The following WNK1 variants were observed in gnomAD, a reference collection of about 807,000 sequenced individuals.
WNK1 encodes WNK lysine deficient protein kinase 1, also known as serine/threonine-protein kinase WNK1.
A neutral mutation model predicts 222.8 loss-of-function variants in WNK1; 38 were observed. The observed-to-expected ratio is 0.17, with a 90% CI of 0.13 to 0.22. The LOEUF (loss-of-function observed/expected upper bound fraction) is 0.22. Ranked by LOEUF, WNK1 falls within the 10% of genes least tolerant of loss-of-function variation. The pLI is 1.00. For missense variants in WNK1, 2,348 were observed against 2,918.4 expected (o/e 0.80, Z 4.50); for synonymous variants, 1,090 against 1,092.9 (o/e 1.00, Z 0.05).
Position 909,007 on chromosome 12 carries a change from C to CT in WNK1, c.*221dup, listed in dbSNP as rs1955923412. 4 of 611,428 alleles carry CT rather than the reference C, an allele frequency of 6.5e-6. No homozygotes were observed. Among genetic ancestry groups the CT allele is most frequent in the Middle Eastern group, 4.5e-4 (1 of 2,240 alleles). 37.9% of individuals were successfully genotyped at this position (611,428 alleles called of 1,614,324 possible). A position where few individuals can be genotyped will look rare whatever the true frequency, so the allele number is the denominator to read the frequency against. On this transcript the variant is annotated 3_prime_UTR_variant, in exon 28 of 28. Coordinates refer to ENST00000315939, the MANE Select transcript of WNK1 (RefSeq NM_018979.4). ...GAATGGGAGAGGAAGGAAAGAACAG[C>CT]TTTTTTGTCAAGGGGCAGCTTCAGA...
intron 1 of WNK1, among the ~76,000 whole-genome samples, chr12:769,519 A>G (rs116892830): frequency 6.6e-6 from 1 of 152,220 alleles, no homozygotes; most frequent in East Asian, 1.9e-4. Context: ...CATCCTTGTT[A>G]TTAACATGTC....
At chr12:788,321 T>TA (rs1006859748) in intron 1 of WNK1, among the ~76,000 whole-genome samples, 15 of 151,062 alleles carry the variant, frequency 9.9e-5, no homozygotes, top group Admixed American at 4.0e-4. Flanking sequence ...TTCTTGAAAT[T>TA]AAAAAAAAAG....
At position 886,201 on chromosome 12, in the gene WNK1, T is replaced by G. The variant is rs542514729; in HGVS notation, c.5280+117T>G. The G allele has an allele frequency of 4.8e-5, 43 of 904,066 alleles. No homozygotes were observed. The South Asian group carries it at 8.7e-4, about 18-fold the overall frequency. The allele number at this position is 904,066 out of a possible 1,614,324, so 56.0% of individuals were successfully genotyped here. A position where few individuals can be genotyped will look rare whatever the true frequency, so the allele number is the denominator to read the frequency against. Reference sequence around the variant, plus strand: ...AAACATATTTATAAAGGTACCTGGCTTATAGTATTTATTAAATTGACAGCA... The same window carrying G: ...AAACATATTTATAAAGGTACCTGGCGTATAGTATTTATTAAATTGACAGCA... On this transcript the variant is annotated intron_variant, in intron 19 of 27. Transcript: ENST00000315939.
chr12:857,668 T>C (rs1405389274), intron 5 of WNK1, among the ~76,000 whole-genome samples: 4 of 152,236 alleles, frequency 2.6e-5, no homozygotes, highest in Non-Finnish European at 4.4e-5. Context: ...TTGCCGTCCT[T>C]ACGCCAGAAT....
Position 880,855 on chromosome 12 carries a change from G to A in WNK1, c.2967G>A (p.Gly989=). The change falls in exon 12 of 28, where the codon GGG becomes GGA. Residue 989 remains glycine (G), a synonymous_variant. Coordinates refer to ENST00000315939, the MANE Select transcript of WNK1 (RefSeq NM_018979.4). The part of the protein sequence containing the change: ...PMPTEVLATP[G]YFPTVVQPYV... ...CGACAGAAGTACTGGCTACACCTGG[G>A]TACTTTCCCACAGTGGTGCAGCCTT... 1.2e-6 allele frequency: 2 copies of A among 1,614,052 alleles called. No homozygotes were observed. The highest frequency in any genetic ancestry group is 1.7e-6 in the Non-Finnish European group (2 of 1,180,004).
intron 1 of WNK1, among the ~76,000 whole-genome samples, chr12:762,338 GT>G (rs1941136574): frequency 6.8e-6 from 1 of 147,674 alleles, no homozygotes; most frequent in South Asian, 2.2e-4. Flanking sequence ...GGGATTACAG[GT>G]GTGGCTCCTC....
At position 897,374 on chromosome 12, in the gene WNK1, A is replaced by G. The variant is rs1055204837; in HGVS notation, c.6246-105A>G. The G allele has an allele frequency of 2.5e-6, 2 of 798,376 alleles. 1 individual carries two copies. Among genetic ancestry groups the G allele is most frequent in the South Asian group, 2.8e-5 (2 of 71,776 alleles). 49.5% of individuals were successfully genotyped at this position (798,376 alleles called of 1,614,324 possible). On this transcript the variant is annotated intron_variant, in intron 24 of 27. Transcript: ENST00000315939. ...AGTACATTTGGGGAAAAGGTTCATT[A>G]GTAACTACTACATACTTGAAAGCAG... is the stretch of plus-strand genomic sequence containing the variant.
At chr12:775,827 T>G (rs1025820109) in intron 1 of WNK1, among the ~76,000 whole-genome samples, 1 of 152,212 alleles carries the variant, frequency 6.6e-6, no homozygotes, top group Non-Finnish European at 1.5e-5. Flanking sequence ...GTCACCTGAA[T>G]GAGGTATCAG....
At position 881,682 on chromosome 12, in the gene WNK1, C is replaced by A; in HGVS notation, c.3112-10C>A. The A allele has an allele frequency of 6.2e-7, 1 of 1,604,968 alleles. No homozygotes were observed. The highest frequency in any genetic ancestry group is 8.5e-7 in the Non-Finnish European group (1 of 1,171,760). ...ACTACCGAGATTTGAGTTATCTTTT[C>A]GATTCACAGAGTACTCAGGGAGTCT... is the stretch of plus-strand genomic sequence containing the variant. On this transcript the variant is annotated splice_polypyrimidine_tract_variant and intron_variant, in intron 12 of 27. Coordinates refer to ENST00000315939, the MANE Select transcript of WNK1 (RefSeq NM_018979.4).
intron 14 of WNK1, 146 bp downstream of exon 14, chr12:882,219 C>T (rs370739397): frequency 5.6e-5 from 49 of 879,500 alleles, no homozygotes; most frequent in Admixed American, 2.9e-4. Flanking sequence ...TTTTTTTAGA[C>T]GGAGTCTCGC....
intron 4 of WNK1, among the ~76,000 whole-genome samples, chr12:840,686 C>T (rs1207895313): frequency 6.6e-6 from 1 of 152,158 alleles, no homozygotes; most frequent in Non-Finnish European, 1.5e-5. Context: ...TTACTTACTC[C>T]TGTGTTAAAC....
At position 885,628 on chromosome 12, in the gene WNK1, C is replaced by T; in HGVS notation, c.4824C>T (p.Ala1608=). The part of the protein sequence containing the change: ...PSIPPLVQPV[A]NVPAVQQTLI... Reference sequence around the variant, plus strand: ...TCCCACCCTTGGTACAGCCTGTTGCCAATGTGCCTGCTGTACAGCAGACAC... The same window carrying T: ...TCCCACCCTTGGTACAGCCTGTTGCTAATGTGCCTGCTGTACAGCAGACAC... Residue 1608 remains alanine (A), a synonymous_variant, in exon 19 of 28, where the codon GCC becomes GCT. Transcript: ENST00000315939. 6.2e-7 allele frequency: 1 copy of T among 1,614,138 alleles called. No individual in the cohort carries two copies. The highest frequency in any genetic ancestry group is 8.5e-7 in the Non-Finnish European group (1 of 1,180,034).
In WNK1 at chr12:884,094, T is replaced by TA; in HGVS notation, c.3722-26dup. On this transcript the variant is annotated intron_variant, in intron 17 of 27. Coordinates refer to ENST00000315939, the MANE Select transcript of WNK1 (RefSeq NM_018979.4). This position sits in a 1 kb window ranked among gnomAD's most constrained non-coding sequence, Gnocchi z 5.6. ...ATTTATAATAATAATGCTATTAAGT[T>TA]ACGTTTGTTTGTTTGTTTTTGACCA... 1 of 1,613,976 alleles carries TA rather than the reference T, an allele frequency of 6.2e-7. No homozygotes were observed. Among genetic ancestry groups the TA allele is most frequent in the East Asian group, 2.2e-5 (1 of 44,878 alleles).
Position 754,114 on chromosome 12 carries a change from T to C in WNK1, c.549T>C (p.Ser183=). The C allele has an allele frequency of 6.2e-7, 1 of 1,610,604 alleles. No individual in the cohort carries two copies. The highest frequency in any genetic ancestry group is 8.5e-7 in the Non-Finnish European group (1 of 1,179,484). The part of the protein sequence containing the change: ...GSKEEPPPAR[S]GSGGGSAKEP... ...AAGAGGAGCCGCCGCCGGCGAGAAGTGGCAGCGGCGGCGGCAGCGCCAAGG... is the reference window on the plus strand; with the variant it reads ...AAGAGGAGCCGCCGCCGGCGAGAAGCGGCAGCGGCGGCGGCAGCGCCAAGG... Residue 183 remains serine (S), a synonymous_variant, in exon 1 of 28, where the codon AGT becomes AGC. Transcript: ENST00000315939.
In WNK1 at chr12:818,050, T is replaced by C. The variant is rs114413430; in HGVS notation, c.932+4236T>C. On this transcript the variant is annotated intron_variant, in intron 2 of 27. Transcript: ENST00000315939. ...AAATTCAAATATCATACAATTAACA[T>C]TTTAGAAAGTACAATTCAGTGGCAC... 2.8e-3 allele frequency among the ~76,000 whole-genome samples: 424 copies of C among 152,318 alleles called. 2 individuals are homozygous for C. The highest frequency in any genetic ancestry group is 9.8e-3 in the African/African-American group (409 of 41,572).
At chr12:862,317 G>A (rs1255189759) in intron 8 of WNK1, 47 bp downstream of exon 8, 1 of 1,591,120 alleles carries the variant, frequency 6.3e-7, no homozygotes, top group Non-Finnish European at 8.6e-7. Flanking sequence ...AGAGCCAATG[G>A]ATAGTCTGCT....
chr12:849,292 G>GCATT (rs979138353), intron 4 of WNK1, among the ~76,000 whole-genome samples: 1 of 152,172 alleles, frequency 6.6e-6, no homozygotes, highest in Non-Finnish European at 1.5e-5. Flanking sequence ...TGAAGCCTTA[G>GCATT]CATTCACTGT....
At chr12:893,847 T>TAATAATAATAATAATAA (rs1555156464) in intron 22 of WNK1, among the ~76,000 whole-genome samples, 3 of 149,968 alleles carry the variant, frequency 2.0e-5, no homozygotes, top group Non-Finnish European at 3.0e-5. Context: ...ATAATAATAA[T>TAATAATAATAATAATAA]TCTGAGAACT....
chr12:823,639 A>G lies in WNK1; in HGVS notation c.933-3403A>G, dbSNP rs897568516. 4.6e-5 allele frequency among the ~76,000 whole-genome samples: 7 copies of G among 152,166 alleles called. No individual in the cohort carries two copies. The East Asian group carries it at 1.2e-3, about 25-fold the overall frequency. ...GTCTCTGTTGATATTCTCTACTTCA[A>G]TAGAATATTCTTTGTACTCTTAATA... On this transcript the variant is annotated intron_variant, in intron 2 of 27. Coordinates refer to ENST00000315939, the MANE Select transcript of WNK1 (RefSeq NM_018979.4).
Sources: gnomAD v4.1 joint callset for allele counts (sites outside exome capture counted in the v4.1 genomes callset) on GRCh38, gnomAD v4.1.1 for gene constraint, Gnocchi (gnomAD v3.1) non-coding constraint, MANE v1.5 for transcripts, NCBI Gene and HGNC (gene_info 2026-07-23, HGNC 2026-07-21) for gene names.